The following DENND1B variants were observed in gnomAD, a reference collection of about 807,000 sequenced individuals.
DENND1B encodes DENN domain containing 1B.
In DENND1B, 59 loss-of-function variants were observed where a neutral mutation model predicts 90.1. The observed-to-expected ratio is 0.65, with a 90% confidence interval of 0.53 to 0.81. The LOEUF (loss-of-function observed/expected upper bound fraction) is 0.81, where lower values mean the gene tolerates loss of function less well. Ranked by LOEUF, DENND1B falls within the 40% of genes least tolerant of loss-of-function variation. DENND1B has a pLI of 0.00. For missense variants in DENND1B, 862 were observed against 912.6 expected (o/e 0.94, Z 0.71); for synonymous variants, 337 against 324.6 (o/e 1.04, Z -0.41).
chr1:197,544,308 C>T (rs1670556269), intron 18 of DENND1B, among the ~76,000 whole-genome samples: 1 of 152,032 alleles, frequency 6.6e-6, no homozygotes, highest in South Asian at 2.1e-4. Context: ...GGCCAAGAAA[C>T]TGACATTCCA....
intron 3 of DENND1B, among the ~76,000 whole-genome samples, chr1:197,701,548 C>G (rs1292333350): frequency 6.6e-6 from 1 of 151,354 alleles, no homozygotes; most frequent in African/African-American, 2.4e-5. Flanking sequence ...CCCCCCCTTC[C>G]CCGGCTTTTT....
chr1:197,552,623 T>C, intron 16 of DENND1B: 1 of 996,660 alleles, frequency 1.0e-6, no homozygotes, highest in East Asian at 1.1e-4. Context: ...AGACCCTTCT[T>C]TTTGGATTGT....
chr1:197,627,208 G>A (rs1002788910), intron 10 of DENND1B, among the ~76,000 whole-genome samples: 16 of 151,782 alleles, frequency 1.1e-4, no homozygotes, highest in Non-Finnish European at 1.6e-4. Flanking sequence ...TACCAAAGCC[G>A]GGCAGAGACA....
intron 3 of DENND1B, among the ~76,000 whole-genome samples, chr1:197,713,887 A>ATATATAT (rs1660319414): frequency 9.2e-5 from 8 of 86,646 alleles, no homozygotes; most frequent in Non-Finnish European, 1.1e-4. Context: ...GTTATATATA[A>ATATATAT]TATATAATAT....
intron 20 of DENND1B, among the ~76,000 whole-genome samples, chr1:197,538,746 G>A (rs544967965): frequency 4.8e-5 from 7 of 147,184 alleles, no homozygotes; most frequent in South Asian, 2.1e-4. Context: ...CTGTTGTTAC[G>A]GTTTGAATTT....
intron 9 of DENND1B, 60 bp downstream of exon 9, chr1:197,645,630 G>C (rs189918802): frequency 9.2e-7 from 1 of 1,086,150 alleles, no homozygotes; most frequent in East Asian, 2.8e-5. Flanking sequence ...TAAACAGTGA[G>C]ACCAAAATAA....
intron 2 of DENND1B, among the ~76,000 whole-genome samples, chr1:197,759,925 A>AT (rs879272215): frequency 1.3e-5 from 2 of 152,046 alleles, no homozygotes; most frequent in Non-Finnish European, 2.9e-5. Flanking sequence ...TACATAAATA[A>AT]TTTTTGTGTT....
At chr1:197,677,952 C>T (rs1656263416) in intron 3 of DENND1B, among the ~76,000 whole-genome samples, 1 of 152,158 alleles carries the variant, frequency 6.6e-6, no homozygotes, top group South Asian at 2.1e-4. Flanking sequence ...TTCAGCACAT[C>T]TCATGAAGAT....
intron 10 of DENND1B, among the ~76,000 whole-genome samples, chr1:197,627,476 G>A (rs1239624164): frequency 6.6e-6 from 1 of 151,202 alleles, no homozygotes; most frequent in East Asian, 2.0e-4. Flanking sequence ...CAAAATTCAA[G>A]AACACTTCAT....
chr1:197,577,764 G>A lies in DENND1B; in HGVS notation c.1149+5388C>T, dbSNP rs564982174. 3.3e-5 allele frequency among the ~76,000 whole-genome samples: 5 copies of A among 152,226 alleles called. No individual in the cohort carries two copies. In the South Asian group the frequency reaches 1.0e-3, roughly 32 times the overall value. ...ATTCCTTCCAAATCCATTACCTGAA[G>A]AGAAATTCATACAAATGGAACCCAC... On this transcript the variant is annotated intron_variant, in intron 15 of 22. Coordinates refer to ENST00000620048, the MANE Select transcript of DENND1B (RefSeq NM_001195215.2).
chr1:197,665,160 G>C (rs1044316415), intron 5 of DENND1B, among the ~76,000 whole-genome samples: 1 of 152,008 alleles, frequency 6.6e-6, no homozygotes, highest in Non-Finnish European at 1.5e-5. Context: ...TATTAAATAG[G>C]CCTAAATTCT....
At chr1:197,744,537 T>C (rs575676871) in intron 2 of DENND1B, among the ~76,000 whole-genome samples, 24 of 152,358 alleles carry the variant, frequency 1.6e-4, no homozygotes, top group African/African-American at 5.5e-4. Context: ...ACAGTGGCCC[T>C]AGAATATTCG....
chr1:197,528,715 C>T, intron 20 of DENND1B, among the ~76,000 whole-genome samples: 1 of 151,740 alleles, frequency 6.6e-6, no homozygotes, highest in Non-Finnish European at 1.5e-5. Flanking sequence ...AAAAAATTAG[C>T]CGGGCGTAGT....
At chr1:197,573,303 T>G (rs1346686458) in intron 15 of DENND1B, among the ~76,000 whole-genome samples, 5 of 152,170 alleles carry the variant, frequency 3.3e-5, no homozygotes, top group Non-Finnish European at 7.3e-5. Context: ...CTCTACACAC[T>G]GCTTTGAATG....
intron 16 of DENND1B, among the ~76,000 whole-genome samples, chr1:197,549,939 G>A (rs1221103092): frequency 6.6e-6 from 1 of 151,980 alleles, no homozygotes; most frequent in African/African-American, 2.4e-5. Flanking sequence ...TGATTGTCCT[G>A]CACTGTATAT....
intron 3 of DENND1B, among the ~76,000 whole-genome samples, chr1:197,692,049 T>A (rs1379988842): frequency 6.6e-6 from 1 of 151,818 alleles, no homozygotes; most frequent in African/African-American, 2.4e-5. Context: ...TATACAACAC[T>A]GTGCTTATAG....
At chr1:197,669,602 T>C (rs1042061775) in intron 5 of DENND1B, among the ~76,000 whole-genome samples, 1 of 152,110 alleles carries the variant, frequency 6.6e-6, no homozygotes. Context: ...CTTCACATAC[T>C]GTCTTTCAGA....
intron 2 of DENND1B, among the ~76,000 whole-genome samples, chr1:197,748,131 T>C (rs1227214189): frequency 1.3e-5 from 2 of 152,112 alleles, no homozygotes; most frequent in African/African-American, 4.8e-5. Context: ...ATCAAAAATT[T>C]GATTGCCCAA....
At chr1:197,723,155 A>G (rs374363366) in intron 2 of DENND1B, among the ~76,000 whole-genome samples, 3 of 152,304 alleles carry the variant, frequency 2.0e-5, no homozygotes, top group African/African-American at 7.2e-5. Flanking sequence ...AACTTCAAAG[A>G]ACCTTAAGAA....
Sources: allele counts gnomAD v4.1 joint callset (sites outside exome capture counted in the v4.1 genomes callset), GRCh38; gene constraint gnomAD v4.1.1; transcripts MANE v1.5; gene names NCBI Gene and HGNC (gene_info 2026-07-23, HGNC 2026-07-21).